TTC28: variants seen among roughly 807,000 people sequenced by gnomAD.
The protein encoded by TTC28 is tetratricopeptide repeat domain 28.
Under a neutral mutation model 198.0 loss-of-function variants are expected in TTC28, and 61 were observed. The observed-to-expected ratio is 0.31, with a 90% CI of 0.25 to 0.38. The LOEUF is 0.38. TTC28 is among the 10% of genes least tolerant of loss of function. TTC28 has a pLI of 1.00. For synonymous variants in TTC28, 1,171 were observed against 1,297.8 expected, an observed-to-expected ratio of 0.90 and a Z score of 2.10; for missense variants, 2,678 against 3,164.0, an observed-to-expected ratio of 0.85 and a Z score of 3.69.
At chr22:28,347,843 C>T (rs1053979068) in intron 2 of TTC28, among the ~76,000 whole-genome samples, 2 of 152,254 alleles carry the variant, frequency 1.3e-5, no homozygotes, top group African/African-American at 4.8e-5. Context: ...CGTGCCACTG[C>T]ACTTCAGGGT....
intron 21 of TTC28, among the ~76,000 whole-genome samples, chr22:27,989,633 A>AGAT (rs769082858): frequency 2.6e-5 from 4 of 152,048 alleles, no homozygotes; most frequent in Non-Finnish European, 5.9e-5. Context: ...ATTTTTGTAG[A>AGAT]GATGGGGTCT....
chr22:28,537,914 T>G (rs1427472734), intron 2 of TTC28, among the ~76,000 whole-genome samples: 1 of 152,012 alleles, frequency 6.6e-6, no homozygotes. Context: ...AAGGATCCCT[T>G]GAGCTCAGGA....
At chr22:28,290,010 C>T (rs779013956) in intron 5 of TTC28, among the ~76,000 whole-genome samples, 4 of 151,794 alleles carry the variant, frequency 2.6e-5, no homozygotes, top group Admixed American at 6.6e-5. Flanking sequence ...GGCGACAGAG[C>T]GAGACCCCAT....
chr22:28,112,862 C>T (rs1942524471), intron 6 of TTC28, among the ~76,000 whole-genome samples: 1 of 152,110 alleles, frequency 6.6e-6, no homozygotes, highest in African/African-American at 2.4e-5. Flanking sequence ...GGCAGAAGAT[C>T]CTCACAAAGC....
chr22:28,415,315 G>A (rs1445010278), intron 2 of TTC28, among the ~76,000 whole-genome samples: 1 of 152,008 alleles, frequency 6.6e-6, no homozygotes, highest in African/African-American at 2.4e-5. Flanking sequence ...ACTATCCCTT[G>A]GAGGCATGCA....
chr22:28,127,653 T>A, intron 6 of TTC28, among the ~76,000 whole-genome samples: 1 of 152,210 alleles, frequency 6.6e-6, no homozygotes. Flanking sequence ...ATATACTGGG[T>A]TAATAAAATA....
intron 7 of TTC28, 144 bp from the exon 8 acceptor site, chr22:28,105,946 G>T: frequency 1.9e-6 from 2 of 1,068,000 alleles, no homozygotes; most frequent in Non-Finnish European, 2.6e-6. Context: ...TCTATCATGT[G>T]CCCTTAGAGT....
At chr22:28,318,533 T>A (rs950439208) in intron 2 of TTC28, among the ~76,000 whole-genome samples, 11 of 152,284 alleles carry the variant, frequency 7.2e-5, no homozygotes, top group African/African-American at 2.6e-4. Flanking sequence ...CATTTACTCT[T>A]CAGAGTCTTC....
intron 2 of TTC28, among the ~76,000 whole-genome samples, chr22:28,611,866 G>T (rs1320167842): frequency 6.6e-6 from 1 of 152,088 alleles, no homozygotes; most frequent in Non-Finnish European, 1.5e-5. Flanking sequence ...AAATGCAAGA[G>T]ATTTTGTCAC....
chr22:28,137,847 T>C (rs907579197), intron 6 of TTC28, among the ~76,000 whole-genome samples: 1 of 152,004 alleles, frequency 6.6e-6, no homozygotes, highest in Admixed American at 6.6e-5. Context: ...AAACCCTGTC[T>C]CTACTAAAAA....
chr22:28,556,015 A>C (rs1277333519), intron 2 of TTC28, among the ~76,000 whole-genome samples: 1 of 151,832 alleles, frequency 6.6e-6, no homozygotes, highest in African/African-American at 2.4e-5. Context: ...TATACCCTTT[A>C]GTGAAGGGTT....
At position 27,981,895 on chromosome 22, in the gene TTC28, C is replaced by T. The variant is rs992459623; in HGVS notation, c.*326G>A. The T allele has an allele frequency of 1.1e-5, 3 of 271,250 alleles. No individual in the cohort carries two copies. Among genetic ancestry groups the T allele is most frequent in the Non-Finnish European group, 2.1e-5 (3 of 146,234 alleles). The allele number at this position is 271,250 out of a possible 1,614,324, so 16.8% of individuals were successfully genotyped here. A position where few individuals can be genotyped will look rare whatever the true frequency, so the allele number is the denominator to read the frequency against. On this transcript the variant is annotated 3_prime_UTR_variant, in exon 23 of 23. Transcript: ENST00000397906. ...CCTCTCCCCACCCCAGAACCATGATCATTTTTGTACAAAATCCTGGTGAAG... is the reference window on the plus strand; with the variant it reads ...CCTCTCCCCACCCCAGAACCATGATTATTTTTGTACAAAATCCTGGTGAAG...
At chr22:28,128,050 C>T (rs1942960008) in intron 6 of TTC28, among the ~76,000 whole-genome samples, 1 of 152,086 alleles carries the variant, frequency 6.6e-6, no homozygotes, top group Non-Finnish European at 1.5e-5. Context: ...TTCTAGATAC[C>T]TGTAACTTAG....
chr22:28,629,968 G>A (rs2051146558), intron 1 of TTC28, 138 bp from the exon 2 acceptor site: 2 of 727,064 alleles, frequency 2.8e-6, no homozygotes, highest in Non-Finnish European at 4.4e-6. Flanking sequence ...CCTAATGGGA[G>A]GTGTTTAGGT....
chr22:28,396,692 C>G (rs545501692), intron 2 of TTC28, among the ~76,000 whole-genome samples: 1 of 152,326 alleles, frequency 6.6e-6, no homozygotes. Context: ...CTTCCTCCCT[C>G]CCCATCCCAA....
intron 2 of TTC28, among the ~76,000 whole-genome samples, chr22:28,475,149 C>CAAAAAAAAAAAAA (rs386395148): frequency 9.5e-4 from 62 of 64,984 alleles, no homozygotes; most frequent in African/African-American, 9.6e-4. Context: ...GACTCCATCT[C>CAAAAAAAAAAAAA]AAAAAAAAAA....
intron 2 of TTC28, among the ~76,000 whole-genome samples, chr22:28,440,703 G>A (rs2047606716): frequency 6.6e-6 from 1 of 152,152 alleles, no homozygotes; most frequent in Non-Finnish European, 1.5e-5. Context: ...TAAAACACAT[G>A]GCATGTGACT....
At position 27,980,150 on chromosome 22, in the gene TTC28, A is replaced by G. The variant is rs371650490; in HGVS notation, c.*2071T>C. The G allele has an allele frequency of 1.3e-5, 2 of 152,242 alleles. No homozygotes were observed. The highest frequency in any genetic ancestry group is 2.4e-5 in the African/African-American group (1 of 41,462). The allele number at this position is 152,242 out of a possible 1,614,324, so 9.4% of individuals were successfully genotyped here. A position where few individuals can be genotyped will look rare whatever the true frequency, so the allele number is the denominator to read the frequency against. ...AAAGAAGGAGGCTGAGAGATTTGCTAAGAGAGGGACAGCCTAACCATCTGC... is the reference window on the plus strand; with the variant it reads ...AAAGAAGGAGGCTGAGAGATTTGCTGAGAGAGGGACAGCCTAACCATCTGC... On this transcript the variant is annotated 3_prime_UTR_variant, in exon 23 of 23. Transcript: ENST00000397906.
chr22:28,339,293 C>G (rs2045788053), intron 2 of TTC28, among the ~76,000 whole-genome samples: 1 of 152,192 alleles, frequency 6.6e-6, no homozygotes, highest in Non-Finnish European at 1.5e-5. Flanking sequence ...AGGTGTCAGT[C>G]TGCCTCTACT....
Sources: allele counts gnomAD v4.1 joint callset (sites outside exome capture counted in the v4.1 genomes callset), GRCh38; gene constraint gnomAD v4.1.1; transcripts MANE v1.5; gene names NCBI Gene and HGNC (gene_info 2026-07-23, HGNC 2026-07-21).